LRRC4C: variants seen among roughly 807,000 people sequenced by gnomAD.
LRRC4C encodes the protein leucine rich repeat containing 4C, also known as leucine-rich repeat-containing protein 4C.
Under a neutral mutation model 33.6 loss-of-function variants are expected in LRRC4C, and 5 were observed. The observed-to-expected ratio is 0.15, with a 90% confidence interval of 0.08 to 0.31. The LOEUF is 0.31. Ranked by LOEUF, LRRC4C falls within the 10% of genes least tolerant of loss-of-function variation. LRRC4C has a pLI of 1.00. For missense variants in LRRC4C, 560 were observed against 796.7 expected, an observed-to-expected ratio of 0.70 and a Z score of 3.58; for synonymous variants, 329 against 302.0, an observed-to-expected ratio of 1.09 and a Z score of -0.93.
chr11:40,928,250 A>G (rs1957475937), intron 2 of LRRC4C, among the ~76,000 whole-genome samples: 1 of 150,508 alleles, frequency 6.6e-6, no homozygotes, highest in Non-Finnish European at 1.5e-5. Context: ...ATATGTGTTT[A>G]TAAATATATA....
intron 1 of LRRC4C, among the ~76,000 whole-genome samples, chr11:41,289,449 C>A (rs1949930444): frequency 6.6e-6 from 1 of 152,032 alleles, no homozygotes; most frequent in African/African-American, 2.4e-5. Context: ...GGAGACAGGA[C>A]CTTTAGGAAG....
intron 1 of LRRC4C, among the ~76,000 whole-genome samples, chr11:40,988,973 G>A (rs1418317493): frequency 6.6e-6 from 1 of 151,922 alleles, no homozygotes; most frequent in Non-Finnish European, 1.5e-5. Flanking sequence ...GTGTGCCTTG[G>A]CCTCCTAAAG....
intron 1 of LRRC4C, among the ~76,000 whole-genome samples, chr11:41,035,047 C>T (rs1280301701): frequency 1.3e-5 from 2 of 149,946 alleles, no homozygotes; most frequent in East Asian, 3.9e-4. Context: ...GCAGGATGTG[C>T]AAGTTTGTTA....
chr11:41,452,024 A>G (rs1250887820), intron 1 of LRRC4C, among the ~76,000 whole-genome samples: 1 of 152,004 alleles, frequency 6.6e-6, no homozygotes, highest in Non-Finnish European at 1.5e-5. Context: ...CCTTTATTAG[A>G]TTGATTTTTT....
At chr11:40,644,963 C>G (rs1409481359) in intron 3 of LRRC4C, among the ~76,000 whole-genome samples, 1 of 150,878 alleles carries the variant, frequency 6.6e-6, no homozygotes, top group Non-Finnish European at 1.5e-5. Context: ...TTTTTTACAA[C>G]TACATGTGAA....
intron 1 of LRRC4C, among the ~76,000 whole-genome samples, chr11:40,952,275 A>G (rs1203168170): frequency 1.3e-5 from 2 of 151,928 alleles, no homozygotes; most frequent in African/African-American, 4.8e-5. Context: ...TAGGCCACAC[A>G]ACTTTCCCCC....
At chr11:40,816,070 C>A (rs1951695042) in intron 2 of LRRC4C, among the ~76,000 whole-genome samples, 1 of 152,170 alleles carries the variant, frequency 6.6e-6, no homozygotes, top group African/African-American at 2.4e-5. Flanking sequence ...GCCACTTTTA[C>A]TAAATGAGAG....
At chr11:40,953,845 T>G (rs1958830437) in intron 1 of LRRC4C, among the ~76,000 whole-genome samples, 1 of 151,906 alleles carries the variant, frequency 6.6e-6, no homozygotes, top group Non-Finnish European at 1.5e-5. Context: ...TTTAATAATT[T>G]AAAAACACTT....
intron 1 of LRRC4C, among the ~76,000 whole-genome samples, chr11:41,445,827 G>A (rs2138586710): frequency 6.9e-6 from 1 of 144,302 alleles, no homozygotes; most frequent in South Asian, 2.2e-4. Context: ...GATCCAAGCA[G>A]GAAGAGGGAA....
At chr11:40,268,803 C>T (rs1942471831) in intron 4 of LRRC4C, among the ~76,000 whole-genome samples, 1 of 152,220 alleles carries the variant, frequency 6.6e-6, no homozygotes, top group African/African-American at 2.4e-5. Context: ...GGCTACATCC[C>T]TGGAGTCTGA....
chr11:40,556,619 C>A (rs1957343056), intron 3 of LRRC4C, among the ~76,000 whole-genome samples: 1 of 152,124 alleles, frequency 6.6e-6, no homozygotes, highest in Non-Finnish European at 1.5e-5. Context: ...TGTAGCTGGG[C>A]TTTGTGGATG....
chr11:41,232,532 A>T (rs553871391), intron 1 of LRRC4C, among the ~76,000 whole-genome samples: 83 of 152,210 alleles, frequency 5.5e-4, no homozygotes, highest in Non-Finnish European at 9.9e-4. Flanking sequence ...TTCTGTGTTC[A>T]AACTCACAGC....
intron 1 of LRRC4C, among the ~76,000 whole-genome samples, chr11:41,294,863 C>A (rs114057829): frequency 0.019 from 2,830 of 152,272 alleles, 85 homozygotes; most frequent in African/African-American, 0.065. Context: ...GCAGCAATGA[C>A]TTACAGAATA....
intron 1 of LRRC4C, among the ~76,000 whole-genome samples, chr11:41,343,430 C>G (rs532752737): frequency 5.9e-5 from 9 of 152,182 alleles, no homozygotes; most frequent in African/African-American, 2.2e-4. Context: ...CCAAAATTTA[C>G]TGTTCGAATA....
chr11:41,119,463 T>A (rs1021319078), intron 1 of LRRC4C, among the ~76,000 whole-genome samples: 2 of 152,128 alleles, frequency 1.3e-5, no homozygotes, highest in African/African-American at 4.8e-5. Flanking sequence ...GCAAAGGTAA[T>A]CCCATTAGGT....
intron 3 of LRRC4C, among the ~76,000 whole-genome samples, chr11:40,391,810 C>G (rs967311026): frequency 1.3e-5 from 2 of 152,086 alleles, no homozygotes; most frequent in African/African-American, 4.8e-5. Context: ...CCCAAATAAG[C>G]TGAAATTTTA....
chr11:40,986,305 G>A (rs757662492), intron 1 of LRRC4C, among the ~76,000 whole-genome samples: 18 of 152,056 alleles, frequency 1.2e-4, no homozygotes, highest in Admixed American at 5.2e-4. Flanking sequence ...AATACAGAAA[G>A]GATTGGGGCT....
chr11:41,105,103 A>G (rs1941418414), intron 1 of LRRC4C, among the ~76,000 whole-genome samples: 1 of 152,050 alleles, frequency 6.6e-6, no homozygotes, highest in Non-Finnish European at 1.5e-5. Context: ...CAATAAAATT[A>G]TTAAGAAATA....
At chr11:40,389,482 A>C (rs1224032185) in intron 3 of LRRC4C, among the ~76,000 whole-genome samples, 1 of 151,470 alleles carries the variant, frequency 6.6e-6, no homozygotes, top group East Asian at 1.9e-4. Context: ...AAAAAAAAAT[A>C]ATCAAAAAAC....
Sources: allele counts gnomAD v4.1 joint callset (sites outside exome capture counted in the v4.1 genomes callset), GRCh38; gene constraint gnomAD v4.1.1; transcripts MANE v1.5; gene names NCBI Gene and HGNC (gene_info 2026-07-23, HGNC 2026-07-21).